Variants in CCDC88A observed in about 807,000 individuals in gnomAD.
CCDC88A encodes coiled-coil and HOOK domain protein 88A.
In CCDC88A, 54 loss-of-function variants were observed where a neutral mutation model predicts 234.3. The ratio of observed to expected loss-of-function variants is 0.23; its 90% confidence interval spans 0.19 to 0.29. The LOEUF is 0.29. Ranked by LOEUF, CCDC88A falls within the 10% of genes least tolerant of loss-of-function variation. The probability of loss-of-function intolerance (pLI) is 1.00; values close to 1 mark genes in which losing one functional copy is unlikely to be tolerated. For synonymous variants in CCDC88A, 753 were observed against 737.8 expected (o/e 1.02, Z -0.33); for missense variants, 1,832 against 2,123.4 (o/e 0.86, Z 2.70).
intron 12 of CCDC88A, among the ~76,000 whole-genome samples, chr2:55,340,769 T>A (rs1668372953): frequency 6.6e-6 from 1 of 152,220 alleles, no homozygotes; most frequent in African/African-American, 2.4e-5. Flanking sequence ...ATAAATTTAT[T>A]CTGTTGTATG....
intron 3 of CCDC88A, among the ~76,000 whole-genome samples, chr2:55,381,482 G>A (rs961506180): frequency 6.6e-6 from 1 of 150,472 alleles, no homozygotes; most frequent in Non-Finnish European, 1.5e-5. Flanking sequence ...GAGCCCAGGA[G>A]GCGGAGGTTG....
chr2:55,325,316 T>A (rs551600520), intron 17 of CCDC88A, among the ~76,000 whole-genome samples: 5 of 152,340 alleles, frequency 3.3e-5, no homozygotes, highest in East Asian at 1.9e-4. Flanking sequence ...TGGTGTTTTT[T>A]AATTTCATTT....
At chr2:55,324,738 T>A (rs533834852) in intron 17 of CCDC88A, among the ~76,000 whole-genome samples, 1 of 152,066 alleles carries the variant, frequency 6.6e-6, no homozygotes, top group Non-Finnish European at 1.5e-5. Flanking sequence ...CTCCACCTCC[T>A]GGGTTCAAGT....
At chr2:55,382,558 T>C (rs1031734632) in intron 3 of CCDC88A, among the ~76,000 whole-genome samples, 3 of 152,186 alleles carry the variant, frequency 2.0e-5, no homozygotes, top group Non-Finnish European at 4.4e-5. Context: ...ATACTCAAAT[T>C]CACCATCTCT....
intron 25 of CCDC88A, among the ~76,000 whole-genome samples, chr2:55,306,700 C>T (rs754652610): frequency 2.0e-5 from 3 of 152,060 alleles, no homozygotes; most frequent in Non-Finnish European, 4.4e-5. Context: ...ATTCTCCTGC[C>T]TCAGCCTCCT....
At chr2:55,365,293 G>A (rs1452167163) in intron 5 of CCDC88A, among the ~76,000 whole-genome samples, 1 of 151,974 alleles carries the variant, frequency 6.6e-6, no homozygotes, top group Admixed American at 6.6e-5. Context: ...GAACAATTAA[G>A]AATTACGTTC....
intron 17 of CCDC88A, among the ~76,000 whole-genome samples, chr2:55,324,635 C>T (rs1230341849): frequency 1.3e-5 from 2 of 151,486 alleles, no homozygotes; most frequent in African/African-American, 4.9e-5. Flanking sequence ...AGAGAAGTAG[C>T]ATTATCACCT....
At chr2:55,360,756 G>C (rs74744622) in intron 7 of CCDC88A, among the ~76,000 whole-genome samples, 14,353 of 152,114 alleles carry the variant, frequency 0.094, 857 homozygotes, top group East Asian at 0.31. Context: ...TGTCCAGCCT[G>C]AGATCAAACA....
intron 16 of CCDC88A, among the ~76,000 whole-genome samples, chr2:55,330,617 G>A (rs1684807566): frequency 6.6e-6 from 1 of 152,130 alleles, no homozygotes; most frequent in Admixed American, 6.6e-5. Flanking sequence ...GTGACATAAA[G>A]ACTAACTTCC....
intron 5 of CCDC88A, among the ~76,000 whole-genome samples, chr2:55,366,970 A>G (rs1672071241): frequency 1.3e-5 from 2 of 152,214 alleles, no homozygotes; most frequent in African/African-American, 4.8e-5. Context: ...TCATAGCAAC[A>G]TTGTTTACAA....
intron 2 of CCDC88A, among the ~76,000 whole-genome samples, chr2:55,396,548 C>T (rs1677589693): frequency 6.6e-6 from 1 of 151,840 alleles, no homozygotes; most frequent in African/African-American, 2.4e-5. Context: ...TAGGATCATT[C>T]AAGAAAACAA....
intron 25 of CCDC88A, chr2:55,308,251 G>A (rs1681888306): frequency 6.5e-6 from 1 of 153,024 alleles, no homozygotes; most frequent in Non-Finnish European, 1.5e-5. Context: ...CTCTATTTTA[G>A]ATCCTTTACC....
rs1419586229 is a variant in CCDC88A, at chr2:55,332,928, C to T, written c.2728-235G>A. On this transcript the variant is annotated intron_variant, in intron 15 of 32. Coordinates refer to ENST00000436346, the MANE Select transcript of CCDC88A (RefSeq NM_001365480.1). This position sits in a 1 kb window ranked among gnomAD's most constrained non-coding sequence, Gnocchi z 4.5. ...AAAACCTTAAAAGGGAGTAGTAACT[C>T]TTTACTTGTGAATACACATTTAGGT... is the stretch of plus-strand genomic sequence containing the variant. Among the ~76,000 whole-genome samples the T allele has an allele frequency of 2.6e-5, 4 of 152,082 alleles. No homozygotes were observed. The highest frequency in any genetic ancestry group is 4.4e-5 in the Non-Finnish European group (3 of 68,010).
rs1357052624 is a variant in CCDC88A, at chr2:55,317,022, A to T, written c.3746+184T>A. 1 of 202,514 alleles carries T rather than the reference A, an allele frequency of 4.9e-6. No homozygotes were observed. The highest frequency in any genetic ancestry group is 9.6e-6 in the Non-Finnish European group (1 of 104,432). The allele number at this position is 202,514 out of a possible 1,614,324, so 12.5% of individuals were successfully genotyped here. A position where few individuals can be genotyped will look rare whatever the true frequency, so the allele number is the denominator to read the frequency against. On this transcript the variant is annotated intron_variant, in intron 21 of 32. Transcript: ENST00000436346. This position sits in a 1 kb window ranked among gnomAD's most constrained non-coding sequence, Gnocchi z 4.2. ...AGTGCTGGAATTACAGGTGTGAGCC[A>T]CTGCACCCAGCCTATTCTATTTTTT...
chr2:55,402,046 A>G (rs1471420109), intron 2 of CCDC88A, among the ~76,000 whole-genome samples: 1 of 152,148 alleles, frequency 6.6e-6, no homozygotes, highest in East Asian at 1.9e-4. Context: ...TTAAGTTAGC[A>G]GTTTTTTAAC....
At chr2:55,372,623 G>C in intron 4 of CCDC88A, 113 bp from the exon 5 acceptor site, 1 of 571,714 alleles carries the variant, frequency 1.7e-6, no homozygotes, top group Middle Eastern at 3.6e-4. Context: ...GAAGGATTCA[G>C]TCTAAGCATA....
At chr2:55,390,022 C>A (rs189768654) in intron 2 of CCDC88A, among the ~76,000 whole-genome samples, 1,761 of 59,348 alleles carry the variant, frequency 0.03, 23 homozygotes, top group Middle Eastern at 0.1. Flanking sequence ...GCCTGGGCTA[C>A]AGAGCGAGAC....
In CCDC88A at chr2:55,355,590, A is replaced by G. The variant is rs1226453716; in HGVS notation, c.789T>C (p.Leu263=). 4.3e-6 allele frequency: 7 copies of G among 1,613,992 alleles called. No homozygotes were observed. In the South Asian group the frequency reaches 7.7e-5, roughly 18 times the overall value. Residue 263 remains leucine (L), a synonymous_variant, in exon 8 of 33, where the codon CTT becomes CTC. Transcript: ENST00000436346. The stretch of plus-strand genomic sequence containing the variant: ...AATCAGCAACTTACAATTCCTGCCT[A>G]AGCCTTCTTATCTTGGCTTTAGCAT... ...LADAKAKIRR[L]RQELEEKTEQ... is the part of the protein sequence containing the mutation.
At chr2:55,389,221 T>C (rs1181077295) in intron 2 of CCDC88A, among the ~76,000 whole-genome samples, 1 of 152,210 alleles carries the variant, frequency 6.6e-6, no homozygotes, top group Admixed American at 6.5e-5. Flanking sequence ...AATAAATCCA[T>C]TTAAAATATG....
Sources: gnomAD v4.1 joint callset for allele counts (sites outside exome capture counted in the v4.1 genomes callset) on GRCh38, gnomAD v4.1.1 for gene constraint, Gnocchi (gnomAD v3.1) non-coding constraint, MANE v1.5 for transcripts, NCBI Gene and HGNC (gene_info 2026-07-23, HGNC 2026-07-21) for gene names.